The following ST6GALNAC3 variants were observed in gnomAD, a reference collection of about 807,000 sequenced individuals.
ST6GALNAC3 encodes alpha-N-acetylgalactosaminide alpha-2,6-sialyltransferase 3.
A neutral mutation model predicts 32.7 loss-of-function variants in ST6GALNAC3; 25 were observed. The observed-to-expected ratio is 0.76, with a 90% CI of 0.56 to 1.07. The LOEUF is 1.07. ST6GALNAC3 is among the 50% of genes least tolerant of loss of function. The probability of loss-of-function intolerance (pLI) is 0.00; values close to 1 mark genes in which losing one functional copy is unlikely to be tolerated. For synonymous variants in ST6GALNAC3, 129 were observed against 133.1 expected, an observed-to-expected ratio of 0.97 and a Z score of 0.21; for missense variants, 355 against 382.4, an observed-to-expected ratio of 0.93 and a Z score of 0.60.
At chr1:76,553,032 T>G (rs1042778752) in intron 3 of ST6GALNAC3, among the ~76,000 whole-genome samples, 1 of 152,206 alleles carries the variant, frequency 6.6e-6, no homozygotes, top group Non-Finnish European at 1.5e-5. Context: ...GGGTAGTACT[T>G]TAATAGATTT....
chr1:76,104,025 C>T (rs570349225), intron 1 of ST6GALNAC3, among the ~76,000 whole-genome samples: 11 of 152,220 alleles, frequency 7.2e-5, no homozygotes, highest in African/African-American at 2.4e-4. Flanking sequence ...TACCATTGTA[C>T]GTTGAAATTC....
chr1:76,309,707 G>A (rs562572236), intron 1 of ST6GALNAC3, among the ~76,000 whole-genome samples: 1 of 152,206 alleles, frequency 6.6e-6, no homozygotes, highest in Admixed American at 6.5e-5. Flanking sequence ...TCAAACCCGG[G>A]CAATGTAACA....
intron 3 of ST6GALNAC3, among the ~76,000 whole-genome samples, chr1:76,568,822 T>A (rs1431733494): frequency 6.6e-6 from 1 of 152,200 alleles, no homozygotes; most frequent in East Asian, 1.9e-4. Context: ...GAAATGCTAG[T>A]TGCATTCATG....
At chr1:76,192,684 GTTC>G (rs1476893866) in intron 1 of ST6GALNAC3, among the ~76,000 whole-genome samples, 2 of 152,192 alleles carry the variant, frequency 1.3e-5, no homozygotes, top group Admixed American at 1.3e-4. Flanking sequence ...TCACAGGTAT[GTTC>G]TTCTCGGCAC....
rs1177218230 is a variant in ST6GALNAC3, at chr1:76,414,209, TA to T, written c.623+1795del. On this transcript the variant is annotated intron_variant, in intron 3 of 4. Coordinates refer to ENST00000328299, the MANE Select transcript of ST6GALNAC3 (RefSeq NM_152996.4). ...TTACTAGGTAATTTTACTCACTTGA[TA>T]AAGTTAATTTGCAAGGTATCATTCG... 2.6e-5 allele frequency among the ~76,000 whole-genome samples: 4 copies of T among 152,238 alleles called. No homozygotes were observed. The East Asian group carries it at 7.7e-4, about 29-fold the overall frequency.
chr1:76,412,759 T>C (rs766647165), intron 3 of ST6GALNAC3, among the ~76,000 whole-genome samples: 1 of 152,104 alleles, frequency 6.6e-6, no homozygotes, highest in Non-Finnish European at 1.5e-5. Context: ...AACCTAGTAA[T>C]GGTAAGGAAC....
chr1:76,548,687 A>G (rs979492627), intron 3 of ST6GALNAC3, among the ~76,000 whole-genome samples: 4 of 152,170 alleles, frequency 2.6e-5, no homozygotes, highest in East Asian at 3.9e-4. Context: ...TCCAACCTCT[A>G]TAGTAAAGGA....
chr1:76,628,620 G>C lies in ST6GALNAC3; in HGVS notation c.732G>C (p.Lys244Asn). 1 of 1,589,782 alleles carries C rather than the reference G, an allele frequency of 6.3e-7. No individual in the cohort carries two copies. Residue 244 changes from lysine to asparagine, a missense_variant and splice_region_variant, in exon 5 of 5, where the codon AAG (lysine) becomes AAC (asparagine). Coordinates refer to ENST00000328299, the MANE Select transcript of ST6GALNAC3 (RefSeq NM_152996.4). ...VYGMINDTYC[K>N]TEGYRKVPYH... The stretch of plus-strand genomic sequence containing the variant: ...CCTTTTCTTTTTTTTTCTTTTCTAG[G>C]ACAGAAGGGTATAGAAAAGTCCCCT...
At chr1:76,440,439 G>A (rs1238624108) in intron 3 of ST6GALNAC3, among the ~76,000 whole-genome samples, 1 of 152,248 alleles carries the variant, frequency 6.6e-6, no homozygotes. Flanking sequence ...GATGGGGCCA[G>A]AATGGGGACA....
At chr1:76,488,333 C>T (rs1301827455) in intron 3 of ST6GALNAC3, among the ~76,000 whole-genome samples, 1 of 51,962 alleles carries the variant, frequency 1.9e-5, no homozygotes, top group African/African-American at 6.0e-5. Context: ...ACCCCTTCAC[C>T]TTCTGTGTTG....
rs1292074981 is a variant in ST6GALNAC3 at position 76,631,206 on chromosome 1, C to G, written c.*2400C>G. On this transcript the variant is annotated 3_prime_UTR_variant, in exon 5 of 5. Transcript: ENST00000328299. ...GGCTTTCTTTCCTCTCCTCTCCTCT[C>G]GTCTCCTCTTTCTTTCCTTTCTTTT... is the stretch of plus-strand genomic sequence containing the variant. The G allele has an allele frequency of 5.7e-6, 1 of 174,772 alleles. No individual in the cohort carries two copies. The highest frequency in any genetic ancestry group is 1.9e-4 in the South Asian group (1 of 5,232). 10.8% of individuals were successfully genotyped at this position (174,772 alleles called of 1,614,324 possible). A position where few individuals can be genotyped will look rare whatever the true frequency, so the allele number is the denominator to read the frequency against.
intron 3 of ST6GALNAC3, among the ~76,000 whole-genome samples, chr1:76,573,407 T>A (rs551574882): frequency 2.6e-5 from 4 of 152,116 alleles, no homozygotes; most frequent in African/African-American, 9.6e-5. Flanking sequence ...CAGAGTGGTG[T>A]TCTTATTTCT....
At chr1:76,539,277 A>G (rs1481554001) in intron 3 of ST6GALNAC3, among the ~76,000 whole-genome samples, 2 of 152,198 alleles carry the variant, frequency 1.3e-5, no homozygotes, top group African/African-American at 4.8e-5. Context: ...ATGATCTCCT[A>G]TTCAATAAAT....
At chr1:76,529,143 A>C (rs1360346189) in intron 3 of ST6GALNAC3, among the ~76,000 whole-genome samples, 1 of 152,074 alleles carries the variant, frequency 6.6e-6, no homozygotes, top group Non-Finnish European at 1.5e-5. Flanking sequence ...TTGTTATATG[A>C]ATATTGTATG....
intron 3 of ST6GALNAC3, among the ~76,000 whole-genome samples, chr1:76,432,824 T>G (rs939547343): frequency 1.3e-5 from 2 of 152,190 alleles, no homozygotes; most frequent in Non-Finnish European, 2.9e-5. Context: ...AGATACAACT[T>G]GAAGTCTTTT....
chr1:76,518,401 C>T (rs933974311), intron 3 of ST6GALNAC3, among the ~76,000 whole-genome samples: 1 of 151,994 alleles, frequency 6.6e-6, no homozygotes, highest in African/African-American at 2.4e-5. Context: ...ACTTAATTCA[C>T]ATTTGTTGTA....
chr1:76,611,416 ACTG>A (rs1647925664), intron 3 of ST6GALNAC3, among the ~76,000 whole-genome samples: 1 of 152,166 alleles, frequency 6.6e-6, no homozygotes, highest in South Asian at 2.1e-4. Context: ...AAAAAAAGAA[ACTG>A]CTAAGATTAC....
At chr1:76,249,000 A>G (rs1657464121) in intron 1 of ST6GALNAC3, among the ~76,000 whole-genome samples, 1 of 152,188 alleles carries the variant, frequency 6.6e-6, no homozygotes, top group African/African-American at 2.4e-5. Context: ...TTCCCCTCTT[A>G]CTTTCTGAAT....
At chr1:76,377,729 C>T (rs1215133930) in intron 2 of ST6GALNAC3, among the ~76,000 whole-genome samples, 1 of 152,146 alleles carries the variant, frequency 6.6e-6, no homozygotes, top group East Asian at 1.9e-4. Context: ...TTCTTAAACT[C>T]TTTAGGTTTC....
Sources: gnomAD v4.1 joint callset for allele counts (sites outside exome capture counted in the v4.1 genomes callset) on GRCh38, gnomAD v4.1.1 for gene constraint, MANE v1.5 for transcripts, NCBI Gene and HGNC (gene_info 2026-07-23, HGNC 2026-07-21) for gene names.